The following XIRP2 variants were observed in gnomAD, a reference collection of about 807,000 sequenced individuals.
XIRP2 encodes xin actin-binding repeat-containing protein 2.
In XIRP2, 236 loss-of-function variants were observed where a neutral mutation model predicts 277.0. That is an observed-to-expected ratio of 0.85 (90% CI 0.77 to 0.95). The LOEUF (loss-of-function observed/expected upper bound fraction) is 0.95. XIRP2 is among the 40% of genes least tolerant of loss of function. The pLI is 0.00. For missense variants in XIRP2, 4,640 were observed against 4,157.5 expected (o/e 1.12, Z -3.19); for synonymous variants, 1,490 against 1,416.5 (o/e 1.05, Z -1.17).
At chr2:167,091,282 T>C (rs530836457) in intron 2 of XIRP2, among the ~76,000 whole-genome samples, 1 of 152,254 alleles carries the variant, frequency 6.6e-6, no homozygotes, top group South Asian at 2.1e-4. Flanking sequence ...AATTTGCTTT[T>C]GTCTTATTCT....
chr2:167,205,767 T>C (rs1444345457), intron 3 of XIRP2, among the ~76,000 whole-genome samples: 1 of 152,220 alleles, frequency 6.6e-6, no homozygotes, highest in Non-Finnish European at 1.5e-5. Context: ...ATTAGATTAC[T>C]TGTTTTCATC....
chr2:166,979,369 C>CTTTTTTTT (rs66909002), intron 2 of XIRP2, among the ~76,000 whole-genome samples: 6 of 108,522 alleles, frequency 5.5e-5, no homozygotes, highest in East Asian at 2.7e-4. Context: ...CTTTTCTTTT[C>CTTTTTTTT]TTTTTTTTTT....
At chr2:167,082,184 G>T (rs538020263) in intron 2 of XIRP2, among the ~76,000 whole-genome samples, 1 of 150,482 alleles carries the variant, frequency 6.6e-6, no homozygotes, top group African/African-American at 2.5e-5. Context: ...CTGTGAGTGA[G>T]AATATGCGGT....
chr2:167,175,198 A>G (rs1327919805), intron 3 of XIRP2, among the ~76,000 whole-genome samples: 3 of 152,042 alleles, frequency 2.0e-5, no homozygotes, highest in African/African-American at 4.8e-5. Context: ...TTCTCCCACT[A>G]TTATTGTGTG....
intron 2 of XIRP2, among the ~76,000 whole-genome samples, chr2:167,016,944 G>A (rs1687842955): frequency 6.6e-6 from 1 of 151,928 alleles, no homozygotes; most frequent in Non-Finnish European, 1.5e-5. Context: ...AGTAAGACAG[G>A]TGAAGTATGG....
At chr2:167,128,152 C>T (rs957022483) in intron 2 of XIRP2, among the ~76,000 whole-genome samples, 2 of 152,196 alleles carry the variant, frequency 1.3e-5, no homozygotes, top group African/African-American at 2.4e-5. Context: ...CTACTTTTAT[C>T]CTAAAAACTA....
intron 2 of XIRP2, among the ~76,000 whole-genome samples, chr2:167,067,107 G>C (rs547291501): frequency 6.6e-6 from 1 of 151,920 alleles, no homozygotes; most frequent in African/African-American, 2.4e-5. Context: ...TTAGCCATTG[G>C]TTCTTCAAAT....
chr2:166,981,269 A>G (rs1414907817), intron 2 of XIRP2, among the ~76,000 whole-genome samples: 1 of 152,148 alleles, frequency 6.6e-6, no homozygotes, highest in East Asian at 1.9e-4. Context: ...ACTTTAGAAA[A>G]GAATCCTTCT....
intron 2 of XIRP2, among the ~76,000 whole-genome samples, chr2:167,132,514 A>G (rs988996578): frequency 1.9e-5 from 2 of 106,170 alleles, no homozygotes; most frequent in Non-Finnish European, 3.9e-5. Context: ...ATGTGTATAC[A>G]CACACACACA....
intron 5 of XIRP2, among the ~76,000 whole-genome samples, chr2:167,220,977 T>C (rs975946958): frequency 4.6e-5 from 7 of 152,226 alleles, no homozygotes; most frequent in Non-Finnish European, 1.0e-4. Flanking sequence ...GGAGCTGTAG[T>C]GACTTCTCTA....
intron 2 of XIRP2, among the ~76,000 whole-genome samples, chr2:167,074,624 A>T (rs1454672605): frequency 7.2e-6 from 1 of 139,318 alleles, no homozygotes; most frequent in African/African-American, 3.1e-5. Flanking sequence ...GTGTGTGTGC[A>T]TGTGTGTGTG....
chr2:166,938,073 G>GT (rs1422750968), intron 2 of XIRP2, among the ~76,000 whole-genome samples: 3 of 152,012 alleles, frequency 2.0e-5, no homozygotes, highest in Non-Finnish European at 4.4e-5. Context: ...TTTTTGAAGG[G>GT]TTTTTTGTGT....
chr2:167,183,426 T>C (rs1693071800), intron 3 of XIRP2, among the ~76,000 whole-genome samples: 1 of 152,168 alleles, frequency 6.6e-6, no homozygotes, highest in Middle Eastern at 3.2e-3. Context: ...AGTGAGTACT[T>C]ACTGATATTT....
At chr2:166,944,758 A>T (rs1685807051) in intron 2 of XIRP2, among the ~76,000 whole-genome samples, 1 of 152,180 alleles carries the variant, frequency 6.6e-6, no homozygotes, top group Admixed American at 6.5e-5. Flanking sequence ...CCTAGGTGTT[A>T]TTACTAAAAT....
intron 2 of XIRP2, among the ~76,000 whole-genome samples, chr2:167,051,987 T>G (rs1240133971): frequency 6.6e-6 from 1 of 152,078 alleles, no homozygotes; most frequent in Non-Finnish European, 1.5e-5. Context: ...TCTTTTCATT[T>G]CAAGTGTTTA....
chr2:167,077,425 A>T (rs1689599718), intron 2 of XIRP2, among the ~76,000 whole-genome samples: 1 of 152,018 alleles, frequency 6.6e-6, no homozygotes, highest in Non-Finnish European at 1.5e-5. Context: ...AGCACTGAAG[A>T]TGGAGCAGTT....
chr2:167,194,569 C>T (rs553315861), intron 3 of XIRP2, among the ~76,000 whole-genome samples: 3 of 152,222 alleles, frequency 2.0e-5, no homozygotes, highest in African/African-American at 7.2e-5. Context: ...TTACCAGAAT[C>T]ACAGAAACAT....
At chr2:167,213,756 G>A (rs1009899975) in intron 4 of XIRP2, among the ~76,000 whole-genome samples, 1 of 152,090 alleles carries the variant, frequency 6.6e-6, no homozygotes, top group African/African-American at 2.4e-5. Flanking sequence ...ACTGCTTCTT[G>A]GGCAGGTCCT....
At chr2:167,131,020 C>A (rs551732380) in intron 2 of XIRP2, among the ~76,000 whole-genome samples, 1 of 152,220 alleles carries the variant, frequency 6.6e-6, no homozygotes, top group East Asian at 1.9e-4. Flanking sequence ...TTCCCCCCAT[C>A]AATTAAGGTA....
Sources: gnomAD v4.1 joint callset for allele counts (sites outside exome capture counted in the v4.1 genomes callset) on GRCh38, gnomAD v4.1.1 for gene constraint, MANE v1.5 for transcripts, NCBI Gene and HGNC (gene_info 2026-07-23, HGNC 2026-07-21) for gene names.